TRPM3: variants seen among roughly 807,000 people sequenced by gnomAD.
TRPM3 encodes the protein transient receptor potential cation channel subfamily M member 3.
A neutral mutation model predicts 181.2 loss-of-function variants in TRPM3; 77 were observed. That is an observed-to-expected ratio of 0.42 (90% CI 0.35 to 0.51). The LOEUF (loss-of-function observed/expected upper bound fraction) is 0.51. Among genes scored for constraint, TRPM3 ranks in the 20% least tolerant of loss-of-function variants. TRPM3 has a pLI of 0.01. For missense variants in TRPM3, 1,759 were observed against 2,196.7 expected, an observed-to-expected ratio of 0.80 and a Z score of 3.98; for synonymous variants, 745 against 796.4, an observed-to-expected ratio of 0.94 and a Z score of 1.09.
At chr9:70,682,164 A>G (rs1471935742) in intron 8 of TRPM3, among the ~76,000 whole-genome samples, 2 of 152,262 alleles carry the variant, frequency 1.3e-5, no homozygotes, top group African/African-American at 2.4e-5. Context: ...TGCTCCCCCA[A>G]TAAAAAAATA....
chr9:70,547,294 C>A (rs1166149726), intron 25 of TRPM3, among the ~76,000 whole-genome samples: 1 of 151,958 alleles, frequency 6.6e-6, no homozygotes, highest in Non-Finnish European at 1.5e-5. Flanking sequence ...TATATACATA[C>A]ATATACATAT....
chr9:71,011,460 AAAT>A (rs1365149662), intron 1 of TRPM3, among the ~76,000 whole-genome samples: 2 of 151,896 alleles, frequency 1.3e-5, no homozygotes, highest in African/African-American at 4.9e-5. Flanking sequence ...ATTATAAAAT[AAAT>A]AAAAGAGACT....
intron 1 of TRPM3, among the ~76,000 whole-genome samples, chr9:71,239,018 A>G (rs1273247116): frequency 6.6e-6 from 1 of 152,162 alleles, no homozygotes; most frequent in African/African-American, 2.4e-5. Context: ...GTGTCAGATC[A>G]AATGCATCTC....
At chr9:71,420,739 G>GAGAGAA (rs2093727135) in intron 1 of TRPM3, among the ~76,000 whole-genome samples, 2 of 91,082 alleles carry the variant, frequency 2.2e-5, no homozygotes, top group African/African-American at 1.0e-4. Context: ...GAGAGAGAAA[G>GAGAGAA]AGAGAGAAAG....
At chr9:70,952,638 G>T (rs1364189399) in intron 1 of TRPM3, among the ~76,000 whole-genome samples, 1 of 152,154 alleles carries the variant, frequency 6.6e-6, no homozygotes, top group African/African-American at 2.4e-5. Context: ...TGTGATAAGG[G>T]ATTGAAGGAA....
At chr9:71,134,006 TGTGTGTGTGCGCGTGC>T (rs61231317) in intron 1 of TRPM3, among the ~76,000 whole-genome samples, 1,160 of 66,012 alleles carry the variant, frequency 0.018, 16 homozygotes, top group African/African-American at 0.071. Context: ...TGTGTGTGTG[TGTGTGTGTGCGCGTGC>T]GCGCGCGCGC....
At chr9:71,194,476 A>G (rs1419917148) in intron 1 of TRPM3, among the ~76,000 whole-genome samples, 1 of 151,912 alleles carries the variant, frequency 6.6e-6, no homozygotes, top group Admixed American at 6.6e-5. Context: ...TGGTCCATGA[A>G]AGCTCCCACA....
At chr9:70,795,434 A>G (rs1369580717) in intron 6 of TRPM3, among the ~76,000 whole-genome samples, 2 of 152,242 alleles carry the variant, frequency 1.3e-5, no homozygotes, top group Non-Finnish European at 2.9e-5. Context: ...AGAAAAATGA[A>G]TGCATTTTAC....
chr9:71,012,993 A>T (rs954987972), intron 1 of TRPM3, among the ~76,000 whole-genome samples: 4 of 152,112 alleles, frequency 2.6e-5, no homozygotes, highest in African/African-American at 9.7e-5. Context: ...TTCTTCACTG[A>T]TACTGGTATT....
At chr9:71,300,065 C>A (rs1202485440) in intron 1 of TRPM3, among the ~76,000 whole-genome samples, 1 of 152,060 alleles carries the variant, frequency 6.6e-6, no homozygotes, top group Non-Finnish European at 1.5e-5. Context: ...ACAATTATCT[C>A]TGTGCTTGGA....
chr9:70,549,555 C>A lies in TRPM3; in HGVS notation c.3694G>T (p.Val1232Leu). Residue 1232 changes from valine (V) to leucine (L), a missense_variant, in exon 25 of 26, where the codon GTG becomes TTG. This residue lies in a region of TRPM3 where 96 missense variants were observed against 129.6 expected (regional missense o/e 0.74). Transcript: ENST00000677713. ...CACAGAACACACCTTTCTGAAGTCA[C>A]CCGTATCCTCTCATCATTAGATGAG... The part of the protein sequence containing the change: ...FNSSNDERIR[V>L]TSERVENMSM... 1.9e-6 allele frequency: 3 copies of A among 1,613,326 alleles called. No individual in the cohort carries two copies. In the Middle Eastern group the frequency reaches 5.0e-4, roughly 266 times the overall value.
chr9:71,193,486 C>T lies in TRPM3; in HGVS notation c.183+253167G>A, dbSNP rs986503548. On this transcript the variant is annotated intron_variant, in intron 1 of 24. Transcript: ENST00000357533. ...CATTTCTCATCCTCCTCTTTCTCTA[C>T]CAGCACCTCCTAAAATATCTATTTT... 4.0e-5 allele frequency among the ~76,000 whole-genome samples: 6 copies of T among 151,792 alleles called. No individual in the cohort carries two copies. The South Asian group carries it at 1.0e-3, about 26-fold the overall frequency.
chr9:70,654,962 C>T (rs113384547), intron 9 of TRPM3, among the ~76,000 whole-genome samples: 22 of 150,616 alleles, frequency 1.5e-4, no homozygotes, highest in East Asian at 4.0e-4. Context: ...GGATTACAGG[C>T]GTGAAGCACT....
At chr9:70,813,421 A>G (rs62545992) in intron 6 of TRPM3, among the ~76,000 whole-genome samples, 4,376 of 152,308 alleles carry the variant, frequency 0.029, 89 homozygotes, top group Middle Eastern at 0.058. Context: ...ATAAAAACAG[A>G]AAACCAAATA....
chr9:71,083,728 AC>A (rs1480497235), intron 1 of TRPM3, among the ~76,000 whole-genome samples: 1 of 151,368 alleles, frequency 6.6e-6, no homozygotes, highest in Non-Finnish European at 1.5e-5. Context: ...ACACACACAC[AC>A]ACACACACAC....
chr9:71,390,889 G>A (rs1346432494), intron 1 of TRPM3, among the ~76,000 whole-genome samples: 1 of 151,896 alleles, frequency 6.6e-6, no homozygotes, highest in African/African-American at 2.4e-5. Context: ...ATGGAGAAAT[G>A]GGCCCTAGTG....
At chr9:70,822,801 C>T (rs568101360) in intron 6 of TRPM3, among the ~76,000 whole-genome samples, 1 of 129,964 alleles carries the variant, frequency 7.7e-6, no homozygotes, top group Admixed American at 7.2e-5. Context: ...GTGTGTTCCC[C>T]AAAGTAAGTC....
At chr9:71,318,132 T>C (rs2088828500) in intron 1 of TRPM3, among the ~76,000 whole-genome samples, 2 of 152,156 alleles carry the variant, frequency 1.3e-5, no homozygotes, top group South Asian at 2.1e-4. Flanking sequence ...TAAAGCTTTG[T>C]AAGTAATATC....
intron 1 of TRPM3, among the ~76,000 whole-genome samples, chr9:71,233,830 G>A (rs2081209788): frequency 6.6e-6 from 1 of 152,210 alleles, no homozygotes; most frequent in African/African-American, 2.4e-5. Context: ...CTGCAGTGAA[G>A]CTCAAAAGTC....
Sources: allele counts gnomAD v4.1 joint callset (sites outside exome capture counted in the v4.1 genomes callset), GRCh38; gene constraint gnomAD v4.1.1; regional missense constraint gnomAD v4.1.1; transcripts MANE v1.5; gene names NCBI Gene and HGNC (gene_info 2026-07-23, HGNC 2026-07-21).